TRIM71: variants seen among roughly 807,000 people sequenced by gnomAD.
TRIM71 encodes the protein tripartite motif containing 71.
TRIM71 carries 9 observed loss-of-function variants against 61.2 expected under a neutral mutation model. The observed-to-expected ratio is 0.15, with a 90% CI of 0.09 to 0.26. The LOEUF (loss-of-function observed/expected upper bound fraction) is 0.26. Among genes scored for constraint, TRIM71 ranks in the 10% least tolerant of loss-of-function variants. The pLI, the probability that TRIM71 is intolerant of heterozygous loss-of-function variation, is 1.00. For missense variants in TRIM71, 998 were observed against 1,238.7 expected (o/e 0.81, Z 2.92); for synonymous variants, 645 against 553.2 (o/e 1.17, Z -2.33).
At chr3:32,825,412 C>T (rs1696189511) in intron 1 of TRIM71, among the ~76,000 whole-genome samples, 3 of 152,026 alleles carry the variant, frequency 2.0e-5, no homozygotes, top group Admixed American at 2.0e-4. Context: ...AATTTAACCC[C>T]CTCTGAGTTA....
At chr3:32,843,030 ATT>A (rs1696429998) in intron 1 of TRIM71, among the ~76,000 whole-genome samples, 1 of 151,550 alleles carries the variant, frequency 6.6e-6, no homozygotes, top group Non-Finnish European at 1.5e-5. Flanking sequence ...GGGTGGGACT[ATT>A]TATAGGATTA....
chr3:32,863,405 G>A (rs1483588507), intron 1 of TRIM71, among the ~76,000 whole-genome samples: 4 of 151,792 alleles, frequency 2.6e-5, no homozygotes, highest in East Asian at 1.9e-4. Context: ...TTTGTTGGCC[G>A]GGCTAAGTGT....
At chr3:32,849,339 C>T (rs542441192) in intron 1 of TRIM71, among the ~76,000 whole-genome samples, 12 of 152,092 alleles carry the variant, frequency 7.9e-5, no homozygotes, top group Non-Finnish European at 1.5e-4. Context: ...AAGGATCTTG[C>T]ATAGGGCCTG....
chr3:32,858,308 C>T (rs1398677796), intron 1 of TRIM71, among the ~76,000 whole-genome samples: 3 of 152,172 alleles, frequency 2.0e-5, no homozygotes, highest in Admixed American at 2.0e-4. Flanking sequence ...GCCTAGACAT[C>T]GTGAGCAAAC....
In TRIM71 at chr3:32,827,057, GC is replaced by G. The variant is rs566832917; in HGVS notation, c.852+8128del. Among the ~76,000 whole-genome samples, 8 of 152,134 alleles carry G rather than the reference GC, an allele frequency of 5.3e-5. No homozygotes were observed. The South Asian group carries it at 1.7e-3, about 32-fold the overall frequency. On this transcript the variant is annotated intron_variant, in intron 1 of 3. Coordinates refer to ENST00000383763, the MANE Select transcript of TRIM71 (RefSeq NM_001039111.3). ...GGTATTAACAGGCATGAGCCACCGC[GC>G]CCGGGCTATGAGTTTGTTTTTAGTG...
intron 1 of TRIM71, among the ~76,000 whole-genome samples, chr3:32,853,372 C>T (rs1696561045): frequency 6.6e-6 from 1 of 152,184 alleles, no homozygotes; most frequent in Non-Finnish European, 1.5e-5. Context: ...CCACCTGAGC[C>T]TCCCAAAGTG....
At chr3:32,889,277 A>G (rs539611610) in intron 3 of TRIM71, among the ~76,000 whole-genome samples, 1 of 151,618 alleles carries the variant, frequency 6.6e-6, no homozygotes, top group Admixed American at 6.6e-5. Flanking sequence ...GGATCTTGCT[A>G]TTTTTTTAAG....
At chr3:32,853,033 A>G (rs1468656752) in intron 1 of TRIM71, among the ~76,000 whole-genome samples, 1 of 152,048 alleles carries the variant, frequency 6.6e-6, no homozygotes, top group Non-Finnish European at 1.5e-5. Flanking sequence ...CTTCTTTTTC[A>G]CAAATAGTAA....
chr3:32,856,084 C>T (rs1158110246), intron 1 of TRIM71, among the ~76,000 whole-genome samples: 1 of 152,204 alleles, frequency 6.6e-6, no homozygotes, highest in Non-Finnish European at 1.5e-5. Flanking sequence ...GTGGCGCAAT[C>T]TGGGCTCACT....
At chr3:32,839,026 CCT>C (rs560439986) in intron 1 of TRIM71, among the ~76,000 whole-genome samples, 200 of 151,860 alleles carry the variant, frequency 1.3e-3, no homozygotes, top group African/African-American at 4.0e-3. Flanking sequence ...GTCTTGAACT[CCT>C]GACCTCAGTT....
In TRIM71 at chr3:32,890,395, G is replaced by A. The variant is rs756918521; in HGVS notation, c.1191G>A (p.Leu397=). The change falls in exon 4 of 4, where the codon CTG becomes CTA. Residue 397 remains leucine (L), a synonymous_variant. Coordinates refer to ENST00000383763, the MANE Select transcript of TRIM71 (RefSeq NM_001039111.3). This position sits in a 1 kb window ranked among gnomAD's most constrained non-coding sequence, Gnocchi z 6.2. The stretch of plus-strand genomic sequence containing the variant: ...TCCGCCAGGTGAAAGCCAAGTCTCT[G>A]TACCTGCAGGTGGAGAAGCTGCGGC... ...EKIRQVKAKS[L]YLQVEKLRQN... is the part of the protein sequence containing the mutation. The A allele has an allele frequency of 3.1e-6, 5 of 1,613,804 alleles. No individual in the cohort carries two copies. Among genetic ancestry groups the A allele is most frequent in the Non-Finnish European group, 4.2e-6 (5 of 1,179,722 alleles).
intron 1 of TRIM71, among the ~76,000 whole-genome samples, chr3:32,856,175 G>A (rs879823770): frequency 1.4e-4 from 21 of 151,956 alleles, no homozygotes; most frequent in Non-Finnish European, 2.6e-4. Context: ...CCGCCACCAC[G>A]CCCGGCTATT....
At chr3:32,850,076 T>G (rs1021400944) in intron 1 of TRIM71, among the ~76,000 whole-genome samples, 2 of 152,230 alleles carry the variant, frequency 1.3e-5, no homozygotes, top group African/African-American at 4.8e-5. Flanking sequence ...ATTTAGGCCC[T>G]GTGGCATGGA....
In TRIM71 at chr3:32,826,924, G is replaced by A. The variant is rs1489004019; in HGVS notation, c.852+7992G>A. Among the ~76,000 whole-genome samples, 4 of 151,748 alleles carry A rather than the reference G, an allele frequency of 2.6e-5. 1 individual carries two copies. The highest frequency in any genetic ancestry group is 4.2e-4 in the South Asian group (2 of 4,806). The stretch of plus-strand genomic sequence containing the variant: ...ACTACAGGTGCCTGCCACCATGCCC[G>A]GCTAATTGTTTTTGTATTTTTAGTA... On this transcript the variant is annotated intron_variant, in intron 1 of 3. Coordinates refer to ENST00000383763, the MANE Select transcript of TRIM71 (RefSeq NM_001039111.3).
intron 1 of TRIM71, among the ~76,000 whole-genome samples, chr3:32,873,610 T>C (rs1260706663): frequency 1.3e-5 from 2 of 152,240 alleles, no homozygotes; most frequent in South Asian, 4.2e-4. Flanking sequence ...CCCCCTTAAT[T>C]TGGGGCAGAG....
intron 2 of TRIM71, among the ~76,000 whole-genome samples, chr3:32,881,113 G>C (rs929881678): frequency 6.6e-6 from 1 of 152,020 alleles, no homozygotes; most frequent in Non-Finnish European, 1.5e-5. Flanking sequence ...CTGCCTCCCG[G>C]GTTCAAGTGA....
chr3:32,889,918 A>G (rs1400105423), intron 3 of TRIM71, among the ~76,000 whole-genome samples: 2 of 145,894 alleles, frequency 1.4e-5, no homozygotes, highest in East Asian at 1.9e-4. Flanking sequence ...GTATGTATGT[A>G]TGTGTATATA....
At chr3:32,889,466 ATTTTT>A (rs578106109) in intron 3 of TRIM71, among the ~76,000 whole-genome samples, 1 of 149,516 alleles carries the variant, frequency 6.7e-6, no homozygotes, top group Non-Finnish European at 1.5e-5. Flanking sequence ...TTTAACTTTT[ATTTTT>A]TTTAATTTAT....
intron 1 of TRIM71, among the ~76,000 whole-genome samples, chr3:32,824,041 C>T (rs117041146): frequency 0.012 from 1,678 of 144,200 alleles, 36 homozygotes; most frequent in East Asian, 0.11. Context: ...TGCCGCTGCA[C>T]TCCAACCTGG....
Sources: gnomAD v4.1 joint callset for allele counts (sites outside exome capture counted in the v4.1 genomes callset) on GRCh38, gnomAD v4.1.1 for gene constraint, Gnocchi (gnomAD v3.1) non-coding constraint, MANE v1.5 for transcripts, NCBI Gene and HGNC (gene_info 2026-07-23, HGNC 2026-07-21) for gene names.